The following ZFHX3 variants were observed in gnomAD, a reference collection of about 807,000 sequenced individuals.
The protein encoded by ZFHX3 is zinc finger homeobox protein 3.
ZFHX3 carries 42 observed loss-of-function variants against 279.1 expected under a neutral mutation model. The ratio of observed to expected loss-of-function variants is 0.15; its 90% CI spans 0.12 to 0.19. ZFHX3 has a LOEUF of 0.19. ZFHX3 is among the 10% of genes least tolerant of loss of function. The pLI is 1.00. For missense variants in ZFHX3, 4,981 were observed against 4,754.0 expected (o/e 1.05, Z -1.40); for synonymous variants, 2,293 against 1,957.8 (o/e 1.17, Z -4.52).
chr16:73,489,263 G>A (rs1341744693), intron 2 of ZFHX3, among the ~76,000 whole-genome samples: 1 of 152,148 alleles, frequency 6.6e-6, no homozygotes, highest in Non-Finnish European at 1.5e-5. Flanking sequence ...TGAAAATCTT[G>A]ATGCACATTC....
rs1347178995 is a variant in ZFHX3, at chr16:72,950,455, G to T, written c.3216+14C>A. On this transcript the variant is annotated intron_variant, in intron 3 of 9. Transcript: ENST00000268489. Reference sequence around the variant, plus strand: ...TCAGAAAGAGCGCCTGAGCCATAAGGAGCTGGGCCTTACCTTGTACAACTT... The same window carrying T: ...TCAGAAAGAGCGCCTGAGCCATAAGTAGCTGGGCCTTACCTTGTACAACTT... 3 of 1,609,982 alleles carry T rather than the reference G, an allele frequency of 1.9e-6. No homozygotes were observed. Among genetic ancestry groups the T allele is most frequent in the Non-Finnish European group, 2.5e-6 (3 of 1,176,712 alleles).
intron 5 of ZFHX3, among the ~76,000 whole-genome samples, chr16:73,156,065 T>C (rs1967073928): frequency 6.6e-6 from 1 of 151,566 alleles, no homozygotes; most frequent in African/African-American, 2.4e-5. Context: ...ACCCCATCTC[T>C]ACTAAAAATA....
At chr16:73,020,834 A>AT (rs1475649814) in intron 1 of ZFHX3, among the ~76,000 whole-genome samples, 1 of 152,136 alleles carries the variant, frequency 6.6e-6, no homozygotes, top group Non-Finnish European at 1.5e-5. Context: ...ATGCAGCAGG[A>AT]TGTCTTCCTA....
upstream of ZFHX3, among the ~76,000 whole-genome samples, chr16:73,050,599 T>C (rs868386391): frequency 3.3e-5 from 5 of 152,356 alleles, no homozygotes; most frequent in South Asian, 8.3e-4. Context: ...CTTCTGCACT[T>C]ACATATGAAA....
At chr16:73,023,778 A>T (rs1964397199) in intron 1 of ZFHX3, among the ~76,000 whole-genome samples, 2 of 152,322 alleles carry the variant, frequency 1.3e-5, no homozygotes, top group South Asian at 4.2e-4. Flanking sequence ...CCTTGAGCCT[A>T]GAGTAACGAA....
At chr16:73,382,541 C>G (rs1323989718) in intron 3 of ZFHX3, among the ~76,000 whole-genome samples, 1 of 152,116 alleles carries the variant, frequency 6.6e-6, no homozygotes, top group African/African-American at 2.4e-5. Flanking sequence ...ACTCAGGCTG[C>G]TGTGTGGGGA....
At chr16:73,654,542 T>A (rs1313445450) in intron 2 of ZFHX3, among the ~76,000 whole-genome samples, 1 of 152,144 alleles carries the variant, frequency 6.6e-6, no homozygotes, top group Non-Finnish European at 1.5e-5. Context: ...ATGTCATTCA[T>A]GAACATAGAT....
chr16:73,468,128 C>G (rs1220263048), intron 2 of ZFHX3, among the ~76,000 whole-genome samples: 1 of 152,212 alleles, frequency 6.6e-6, no homozygotes, highest in Admixed American at 6.5e-5. Flanking sequence ...AAGCTCATTT[C>G]ATGCTCACAT....
intron 2 of ZFHX3, among the ~76,000 whole-genome samples, chr16:73,465,729 T>A (rs1316455917): frequency 2.0e-5 from 3 of 152,168 alleles, no homozygotes; most frequent in Non-Finnish European, 2.9e-5. Context: ...AACTGCTTCC[T>A]TTTCTCCTTG....
At chr16:73,303,727 C>T (rs1156271651) in intron 4 of ZFHX3, among the ~76,000 whole-genome samples, 7 of 150,368 alleles carry the variant, frequency 4.7e-5, no homozygotes, top group Admixed American at 1.3e-4. Flanking sequence ...ATTTAGATGG[C>T]CATCTCATTC....
chr16:73,314,862 G>T (rs1441139053), intron 4 of ZFHX3, among the ~76,000 whole-genome samples: 1 of 152,214 alleles, frequency 6.6e-6, no homozygotes, highest in East Asian at 1.9e-4. Context: ...TTTCCCATAA[G>T]TTAGAGGCAA....
intron 5 of ZFHX3, among the ~76,000 whole-genome samples, chr16:73,152,047 T>C (rs1966956583): frequency 6.6e-6 from 1 of 151,782 alleles, no homozygotes. Flanking sequence ...CACGCAAGCT[T>C]CCATCCCTAA....
intron 2 of ZFHX3, among the ~76,000 whole-genome samples, chr16:73,591,095 G>A (rs890892388): frequency 6.6e-6 from 1 of 152,130 alleles, no homozygotes; most frequent in African/African-American, 2.4e-5. Context: ...CCTCATGCCC[G>A]TAATCCCAGC....
intron 3 of ZFHX3, chr16:73,402,089 C>A (rs973792843): frequency 6.6e-6 from 1 of 152,194 alleles, no homozygotes; most frequent in Non-Finnish European, 1.5e-5. Context: ...AAAGCAGAAT[C>A]TTTGTAAAAT....
chr16:73,637,301 G>A (rs1012026118), intron 2 of ZFHX3, among the ~76,000 whole-genome samples: 6 of 142,210 alleles, frequency 4.2e-5, no homozygotes, highest in African/African-American at 1.6e-4. Flanking sequence ...GGGTGATCTT[G>A]GCTCACTACA....
intron 4 of ZFHX3, among the ~76,000 whole-genome samples, chr16:73,261,518 C>G (rs1175579534): frequency 6.6e-6 from 1 of 151,960 alleles, no homozygotes; most frequent in Non-Finnish European, 1.5e-5. Flanking sequence ...ATAAATATAG[C>G]ATTAATAAAG....
intron 1 of ZFHX3, among the ~76,000 whole-genome samples, chr16:72,985,328 A>T (rs971703613): frequency 6.6e-6 from 1 of 152,230 alleles, no homozygotes; most frequent in African/African-American, 2.4e-5. Flanking sequence ...AACTCCAGAC[A>T]TCCAGGGGAA....
chr16:73,457,626 A>G (rs1007311182), intron 2 of ZFHX3, among the ~76,000 whole-genome samples: 3 of 152,074 alleles, frequency 2.0e-5, no homozygotes, highest in African/African-American at 7.2e-5. Flanking sequence ...TACAAAAATT[A>G]ACCTGGCGTA....
chr16:72,856,594 A>G (rs1474817772), intron 4 of ZFHX3, among the ~76,000 whole-genome samples: 1 of 152,180 alleles, frequency 6.6e-6, no homozygotes, highest in African/African-American at 2.4e-5. Flanking sequence ...GGGCAGACAG[A>G]GGTACGTGTA....
Sources: gnomAD v4.1 joint callset for allele counts (sites outside exome capture counted in the v4.1 genomes callset) on GRCh38, gnomAD v4.1.1 for gene constraint, MANE v1.5 for transcripts, NCBI Gene and HGNC (gene_info 2026-07-23, HGNC 2026-07-21) for gene names.